Variants in CDH18 observed in about 807,000 individuals in gnomAD.
The protein encoded by CDH18 is cadherin 18.
In CDH18, 31 loss-of-function variants were observed where a neutral mutation model predicts 67.9. That is an observed-to-expected ratio of 0.46 (90% confidence interval 0.34 to 0.62). The LOEUF (loss-of-function observed/expected upper bound fraction) is 0.62. Among genes scored for constraint, CDH18 ranks in the 20% least tolerant of loss-of-function variants. CDH18 has a pLI of 0.01. For synonymous variants in CDH18, 362 were observed against 347.2 expected (o/e 1.04, Z -0.48); for missense variants, 890 against 975.5 (o/e 0.91, Z 1.17).
intron 5 of CDH18, among the ~76,000 whole-genome samples, chr5:19,669,258 ATAT>A (rs1384633021): frequency 1.5e-5 from 2 of 135,472 alleles, no homozygotes; most frequent in Non-Finnish European, 3.0e-5. Context: ...TATATATAAA[ATAT>A]TATATTATAT....
At chr5:19,882,172 G>C (rs1787731388) in intron 2 of CDH18, among the ~76,000 whole-genome samples, 1 of 151,880 alleles carries the variant, frequency 6.6e-6, no homozygotes, top group Non-Finnish European at 1.5e-5. Flanking sequence ...ATTCATTTTT[G>C]GGAAGAAAAT....
intron 10 of CDH18, among the ~76,000 whole-genome samples, chr5:19,518,464 G>A (rs549683989): frequency 6.6e-6 from 1 of 152,236 alleles, no homozygotes; most frequent in South Asian, 2.1e-4. Context: ...ATTAACATTT[G>A]AGTCAGTGGA....
At chr5:20,201,400 CT>C (rs1191044665) in intron 2 of CDH18, among the ~76,000 whole-genome samples, 1 of 152,182 alleles carries the variant, frequency 6.6e-6, no homozygotes, top group African/African-American at 2.4e-5. Flanking sequence ...TTTAAGGTAA[CT>C]TTTTGCCAGA....
At chr5:20,052,435 G>A (rs1321344917) in intron 2 of CDH18, among the ~76,000 whole-genome samples, 3 of 152,020 alleles carry the variant, frequency 2.0e-5, no homozygotes, top group Non-Finnish European at 2.9e-5. Context: ...GGGTGCAACC[G>A]ATAGTCTTTG....
Position 20,458,784 on chromosome 5 carries a change from C to T in CDH18, c.-580+116678G>A, listed in dbSNP as rs114981397. On this transcript the variant is annotated intron_variant, in intron 1 of 14. Transcript: ENST00000507958. ...AACTATTAGCTTGTTATCAGCATTG[C>T]TAATAACTATTGTAACACATCACTC... Among the ~76,000 whole-genome samples, 304 of 152,214 alleles carry T rather than the reference C, an allele frequency of 2.0e-3. 1 individual carries two copies. Among genetic ancestry groups the T allele is most frequent in the Non-Finnish European group, 1.8e-3 (123 of 68,008 alleles).
intron 3 of CDH18, among the ~76,000 whole-genome samples, chr5:19,805,479 C>G (rs1393858281): frequency 1.3e-5 from 2 of 152,146 alleles, no homozygotes; most frequent in Non-Finnish European, 2.9e-5. Context: ...GTTTTCCTAA[C>G]TCTTTCTCCA....
chr5:20,487,688 G>A (rs1418901551), intron 1 of CDH18, among the ~76,000 whole-genome samples: 1 of 151,054 alleles, frequency 6.6e-6, no homozygotes, highest in Non-Finnish European at 1.5e-5. Context: ...AGGATAATTT[G>A]AAAACATTTT....
chr5:20,484,433 T>A (rs983211061), intron 1 of CDH18, among the ~76,000 whole-genome samples: 18 of 152,182 alleles, frequency 1.2e-4, no homozygotes, highest in African/African-American at 4.3e-4. Context: ...GCTAGGTATA[T>A]AACCAAAACA....
chr5:20,205,255 A>G (rs1739792731), intron 2 of CDH18, among the ~76,000 whole-genome samples: 1 of 151,984 alleles, frequency 6.6e-6, no homozygotes. Context: ...ATAAAATGAC[A>G]AAATGTCAAA....
chr5:19,873,147 G>C (rs186186165), intron 2 of CDH18, among the ~76,000 whole-genome samples: 2 of 150,886 alleles, frequency 1.3e-5, no homozygotes, highest in East Asian at 3.9e-4. Context: ...GAAACTTGGG[G>C]AAAAGCTCAT....
intron 2 of CDH18, among the ~76,000 whole-genome samples, chr5:20,176,822 C>T (rs534773978): frequency 1.5e-4 from 23 of 152,214 alleles, no homozygotes; most frequent in Admixed American, 8.5e-4. Flanking sequence ...CCTATCTCTG[C>T]TAGCTAAAAA....
intron 1 of CDH18, among the ~76,000 whole-genome samples, chr5:20,319,815 G>T (rs991140524): frequency 2.0e-5 from 3 of 152,112 alleles, no homozygotes; most frequent in African/African-American, 7.2e-5. Flanking sequence ...TATAGAAACA[G>T]TCAGAGAACT....
intron 8 of CDH18, among the ~76,000 whole-genome samples, chr5:19,555,161 C>G (rs531476111): frequency 4.3e-4 from 65 of 152,248 alleles, no homozygotes; most frequent in African/African-American, 1.5e-3. Flanking sequence ...GGAGGCAGGA[C>G]TAACTTGCAG....
At chr5:19,732,567 C>G (rs1767757392) in intron 4 of CDH18, among the ~76,000 whole-genome samples, 1 of 152,138 alleles carries the variant, frequency 6.6e-6, no homozygotes. Context: ...TCAAGCATTT[C>G]TTGTTTAGCC....
At chr5:20,182,732 C>A (rs1737789395) in intron 2 of CDH18, among the ~76,000 whole-genome samples, 1 of 151,772 alleles carries the variant, frequency 6.6e-6, no homozygotes, top group African/African-American at 2.4e-5. Flanking sequence ...CTGCCTTCTG[C>A]CATCTGAGGA....
intron 1 of CDH18, among the ~76,000 whole-genome samples, chr5:20,493,523 CA>C (rs903165246): frequency 3.0e-4 from 46 of 152,074 alleles, no homozygotes; most frequent in African/African-American, 1.1e-3. Context: ...CCATCATTTG[CA>C]TAAGGCAGAC....
intron 2 of CDH18, among the ~76,000 whole-genome samples, chr5:20,036,742 G>C (rs1739899793): frequency 6.6e-6 from 1 of 152,088 alleles, no homozygotes; most frequent in African/African-American, 2.4e-5. Flanking sequence ...TATTGTGTGA[G>C]TGTCTAAGTC....
At chr5:20,027,837 A>G (rs1243546283) in intron 2 of CDH18, among the ~76,000 whole-genome samples, 1 of 152,220 alleles carries the variant, frequency 6.6e-6, no homozygotes, top group Admixed American at 6.5e-5. Context: ...CTAAGCATCA[A>G]GGAATATGTA....
intron 9 of CDH18, among the ~76,000 whole-genome samples, chr5:19,522,704 G>C (rs935451273): frequency 1.3e-5 from 2 of 152,032 alleles, no homozygotes; most frequent in South Asian, 4.1e-4. Flanking sequence ...AGACCAGCCT[G>C]GCCAACATGG....
Sources: allele counts gnomAD v4.1 joint callset (sites outside exome capture counted in the v4.1 genomes callset), GRCh38; gene constraint gnomAD v4.1.1; transcripts MANE v1.5; gene names NCBI Gene and HGNC (gene_info 2026-07-23, HGNC 2026-07-21).